The following CMTM4 variants were observed in gnomAD, a reference collection of about 807,000 sequenced individuals.
CMTM4 encodes the protein CKLF-like MARVEL transmembrane domain-containing protein 4.
CMTM4 carries 8 observed loss-of-function variants against 19.0 expected under a neutral mutation model. The observed-to-expected ratio is 0.42, with a 90% CI of 0.25 to 0.76. The LOEUF (loss-of-function observed/expected upper bound fraction) is 0.76, where lower values mean the gene tolerates loss of function less well. Ranked by LOEUF, CMTM4 falls within the 30% of genes least tolerant of loss-of-function variation. CMTM4 has a pLI of 0.27. For synonymous variants in CMTM4, 106 were observed against 121.1 expected (o/e 0.88, Z 0.82); for missense variants, 228 against 290.2 (o/e 0.79, Z 1.56).
chr16:66,691,028 G>T (rs976421819), intron 1 of CMTM4, among the ~76,000 whole-genome samples: 14 of 152,146 alleles, frequency 9.2e-5, no homozygotes, highest in Admixed American at 2.0e-4. Flanking sequence ...GAGGCAGGAG[G>T]CTCCCTTGAG....
At chr16:66,600,170 T>A in the CMTM4 span, among the ~76,000 whole-genome samples, 1 of 138,008 alleles carries the variant, frequency 7.2e-6, no homozygotes, top group Non-Finnish European at 1.5e-5. Flanking sequence ...TGAGATGGAG[T>A]CTCCCTCTGT....
chr16:66,675,562 G>A (rs748716187), intron 1 of CMTM4, among the ~76,000 whole-genome samples: 13 of 151,072 alleles, frequency 8.6e-5, no homozygotes, highest in Non-Finnish European at 1.6e-4. Flanking sequence ...GGCTCCCTGC[G>A]ACCTAGCAGT....
intron 1 of CMTM4, among the ~76,000 whole-genome samples, chr16:66,680,647 A>G (rs1418900564): frequency 4.0e-4 from 58 of 143,314 alleles, no homozygotes; most frequent in African/African-American, 1.5e-3. Flanking sequence ...GGTGGCGGGC[A>G]CCTGTAGTCC....
chr16:66,633,080 C>T (rs1406636672), intron 2 of CMTM4, among the ~76,000 whole-genome samples: 2 of 116,296 alleles, frequency 1.7e-5, no homozygotes, highest in Admixed American at 8.4e-5. Context: ...AGCGAAACTC[C>T]GTTTCAAAAT....
At chr16:66,649,361 C>T (rs1435458423) in intron 1 of CMTM4, among the ~76,000 whole-genome samples, 1 of 152,122 alleles carries the variant, frequency 6.6e-6, no homozygotes, top group Non-Finnish European at 1.5e-5. Flanking sequence ...ACATGCCAGG[C>T]ACGATCCTAA....
the CMTM4 span, among the ~76,000 whole-genome samples, chr16:66,603,157 C>T: frequency 4.6e-5 from 7 of 152,116 alleles, no homozygotes; most frequent in African/African-American, 1.2e-4. Context: ...TTCTTATGAA[C>T]GGCAGTGGGA....
chr16:66,683,441 A>G (rs1179739856), intron 1 of CMTM4, among the ~76,000 whole-genome samples: 3 of 149,156 alleles, frequency 2.0e-5, no homozygotes, highest in East Asian at 2.0e-4. Flanking sequence ...ACAGGCGCCC[A>G]CCACCACGGC....
chr16:66,619,129 G>A lies in CMTM4; in HGVS notation c.*2929C>T, dbSNP rs182664496. On this transcript the variant is annotated 3_prime_UTR_variant, in exon 4 of 4. Coordinates refer to ENST00000394106, the MANE Select transcript of CMTM4 (RefSeq NM_181521.3). ...TATGTGGGGCCAACAAGTATCTCCAGCCTTTCATGACTGTAATCCCTCTTT... is the reference window on the plus strand; with the variant it reads ...TATGTGGGGCCAACAAGTATCTCCAACCTTTCATGACTGTAATCCCTCTTT... 44 of 985,472 alleles carry A rather than the reference G, an allele frequency of 4.5e-5. No individual in the cohort carries two copies. The East Asian group carries it at 4.0e-3, about 89-fold the overall frequency. The allele number at this position is 985,472 out of a possible 1,614,324, so 61.0% of individuals were successfully genotyped here.
intron 2 of CMTM4, among the ~76,000 whole-genome samples, chr16:66,633,958 G>A (rs990092762): frequency 6.6e-6 from 1 of 152,084 alleles, no homozygotes; most frequent in East Asian, 1.9e-4. Flanking sequence ...GTGTTCTCAA[G>A]TGACCACATC....
chr16:66,648,763 G>A (rs1431011141), intron 1 of CMTM4, among the ~76,000 whole-genome samples: 1 of 152,030 alleles, frequency 6.6e-6, no homozygotes, highest in African/African-American at 2.4e-5. Flanking sequence ...CCTGAGGTCA[G>A]GAGTTCAAGA....
At chr16:66,665,435 A>C (rs577391614) in intron 1 of CMTM4, among the ~76,000 whole-genome samples, 3 of 152,130 alleles carry the variant, frequency 2.0e-5, no homozygotes, top group African/African-American at 7.2e-5. Context: ...AAAAAAATGG[A>C]TAAAATTTCT....
chr16:66,663,836 C>T (rs767379652), intron 1 of CMTM4, among the ~76,000 whole-genome samples: 9 of 152,054 alleles, frequency 5.9e-5, no homozygotes, highest in Admixed American at 2.0e-4. Flanking sequence ...CCAACACACC[C>T]GGCCCATTTG....
chr16:66,695,122 T>C (rs1205616379), intron 1 of CMTM4, among the ~76,000 whole-genome samples: 1 of 151,816 alleles, frequency 6.6e-6, no homozygotes, highest in East Asian at 1.9e-4. Context: ...CAAGGAGGGG[T>C]GATCGCTTGA....
intron 1 of CMTM4, among the ~76,000 whole-genome samples, chr16:66,643,590 T>C (rs867240706): frequency 3.9e-5 from 6 of 152,202 alleles, no homozygotes; most frequent in Non-Finnish European, 7.3e-5. Flanking sequence ...AGTTGTGTCT[T>C]ATCAGGAAAA....
intron 1 of CMTM4, among the ~76,000 whole-genome samples, chr16:66,640,776 T>G (rs1012050383): frequency 6.6e-5 from 10 of 152,180 alleles, no homozygotes; most frequent in African/African-American, 2.4e-4. Context: ...TTGCTCTCTC[T>G]TAGACCACTC....
intron 2 of CMTM4, among the ~76,000 whole-genome samples, chr16:66,631,397 C>G (rs2015867509): frequency 6.6e-6 from 1 of 151,214 alleles, no homozygotes; most frequent in African/African-American, 2.4e-5. Flanking sequence ...GTGAGGAGCC[C>G]CTCTGCCCGG....
chr16:66,679,184 G>A (rs1052864615), intron 1 of CMTM4, among the ~76,000 whole-genome samples: 2 of 151,468 alleles, frequency 1.3e-5, no homozygotes, highest in African/African-American at 4.9e-5. Flanking sequence ...GCTGTTCTAA[G>A]AAGTAAAGAA....
chr16:66,602,504 C>A, the CMTM4 span, among the ~76,000 whole-genome samples: 1 of 152,208 alleles, frequency 6.6e-6, no homozygotes, highest in Non-Finnish European at 1.5e-5. Context: ...AAGCCACAAG[C>A]TATCCCAAGG....
chr16:66,606,241 G>A, the CMTM4 span, among the ~76,000 whole-genome samples: 1 of 152,154 alleles, frequency 6.6e-6, no homozygotes, highest in Non-Finnish European at 1.5e-5. Context: ...TGCAGAGGCT[G>A]AGATGGACAG....
Sources: gnomAD v4.1 joint callset for allele counts (sites outside exome capture counted in the v4.1 genomes callset) on GRCh38, gnomAD v4.1.1 for gene constraint, MANE v1.5 for transcripts, NCBI Gene and HGNC (gene_info 2026-07-23, HGNC 2026-07-21) for gene names.